SLC35F4: variants seen among roughly 807,000 people sequenced by gnomAD.
SLC35F4 encodes the protein chromosome 14 open reading frame 36.
In SLC35F4, 24 loss-of-function variants were observed where a neutral mutation model predicts 44.2. That is an observed-to-expected ratio of 0.54 (90% confidence interval 0.39 to 0.76). The LOEUF (loss-of-function observed/expected upper bound fraction) is 0.76, where lower values mean the gene tolerates loss of function less well. SLC35F4 is among the 30% of genes least tolerant of loss of function. The pLI is 0.00. For synonymous variants in SLC35F4, 238 were observed against 223.6 expected, an observed-to-expected ratio of 1.06 and a Z score of -0.57; for missense variants, 562 against 586.1, an observed-to-expected ratio of 0.96 and a Z score of 0.42.
At chr14:57,634,262 G>A (rs1566709080) in intron 1 of SLC35F4, among the ~76,000 whole-genome samples, 1 of 152,138 alleles carries the variant, frequency 6.6e-6, no homozygotes, top group East Asian at 1.9e-4. Context: ...GATAAGTGCG[G>A]TTGAAGGCAA....
intron 1 of SLC35F4, among the ~76,000 whole-genome samples, chr14:57,832,530 G>A (rs1884484219): frequency 6.6e-6 from 1 of 152,146 alleles, no homozygotes; most frequent in Non-Finnish European, 1.5e-5. Context: ...AACTATGTGA[G>A]ATGATAGACA....
intron 1 of SLC35F4, among the ~76,000 whole-genome samples, chr14:57,943,131 G>A (rs1256882360): frequency 6.6e-6 from 1 of 152,202 alleles, no homozygotes; most frequent in Non-Finnish European, 1.5e-5. Flanking sequence ...TTGCTGAAGA[G>A]ATCTGGGCCG....
chr14:57,945,248 C>T lies in SLC35F4; in HGVS notation n.282+36665G>A, dbSNP rs533031762. ...TGAAAGCCATGCATCCACAAACAGA[C>T]AATGGATTTGTGAATTACCAAAGAG... is the stretch of plus-strand genomic sequence containing the variant. On this transcript the variant is annotated intron_variant and non_coding_transcript_variant, in intron 1 of 1. Transcript: ENST00000556568. Among the ~76,000 whole-genome samples the T allele has an allele frequency of 2.6e-5, 4 of 152,158 alleles. No homozygotes were observed. The South Asian group carries it at 6.2e-4, about 24-fold the overall frequency.
chr14:57,577,670 T>A (rs8009684), intron 4 of SLC35F4, among the ~76,000 whole-genome samples: 67,399 of 148,942 alleles, frequency 0.45, 15,186 homozygotes, highest in South Asian at 0.51. Context: ...AACCTTTTTT[T>A]AAAAAAAAAA....
intron 1 of SLC35F4, among the ~76,000 whole-genome samples, chr14:57,706,933 C>T (rs1039359991): frequency 2.0e-5 from 3 of 152,194 alleles, no homozygotes; most frequent in East Asian, 3.8e-4. Flanking sequence ...GAAAAGATCT[C>T]TCTCTCTGGC....
intron 1 of SLC35F4, among the ~76,000 whole-genome samples, chr14:57,892,447 T>C (rs769811179): frequency 2.0e-5 from 3 of 152,182 alleles, no homozygotes; most frequent in Non-Finnish European, 4.4e-5. Context: ...TGTAGCTACC[T>C]ATCGACTAAG....
intron 1 of SLC35F4, among the ~76,000 whole-genome samples, chr14:57,843,342 T>G (rs1168125606): frequency 1.3e-5 from 2 of 152,168 alleles, no homozygotes; most frequent in Non-Finnish European, 2.9e-5. Context: ...CTGAATATTG[T>G]CATTCCAGAG....
chr14:57,769,785 T>C lies in SLC35F4; in HGVS notation c.103+95938A>G, dbSNP rs76343994. On this transcript the variant is annotated intron_variant, in intron 1 of 7. Coordinates refer to ENST00000556826, the MANE Select transcript of SLC35F4 (RefSeq NM_001306087.2). ...GTGCTTAGGGATTCTGTAACAGACA[T>C]GTACTTCAGCTTTTGAAAGAAATGA... Among the ~76,000 whole-genome samples, 16 of 152,300 alleles carry C rather than the reference T, an allele frequency of 1.1e-4. No individual in the cohort carries two copies. In the East Asian group the frequency reaches 2.7e-3, roughly 26 times the overall value.
Position 57,953,465 on chromosome 14 carries a change from T to G in SLC35F4, n.282+28448A>C, listed in dbSNP as rs76392861. 0.02 allele frequency among the ~76,000 whole-genome samples: 3,019 copies of G among 152,170 alleles called. 320 individuals carry two copies. In the East Asian group the frequency reaches 0.34, roughly 17 times the overall value. On this transcript the variant is annotated intron_variant and non_coding_transcript_variant, in intron 1 of 1. Transcript: ENST00000556568. ...CTTAAATGTAAACAGTCTAAATGCC[T>G]TAATTAAAAGACACAGACTGGCAAA...
At chr14:57,712,902 C>T (rs2075848967) in intron 1 of SLC35F4, among the ~76,000 whole-genome samples, 1 of 152,124 alleles carries the variant, frequency 6.6e-6, no homozygotes, top group Non-Finnish European at 1.5e-5. Context: ...TAATTCCCCA[C>T]CTTTGAGGAG....
At chr14:57,688,996 T>C (rs1001335659) in intron 1 of SLC35F4, among the ~76,000 whole-genome samples, 1 of 152,170 alleles carries the variant, frequency 6.6e-6, no homozygotes, top group African/African-American at 2.4e-5. Flanking sequence ...ACTGTGTACC[T>C]ATTATTTGTT....
At chr14:57,886,350 A>G (rs993619084) in intron 1 of SLC35F4, among the ~76,000 whole-genome samples, 1 of 152,192 alleles carries the variant, frequency 6.6e-6, no homozygotes, top group African/African-American at 2.4e-5. Flanking sequence ...TGGAAGATCA[A>G]CTGGAGAAGA....
intron 1 of SLC35F4, among the ~76,000 whole-genome samples, chr14:57,947,075 T>C (rs758023167): frequency 5.3e-5 from 8 of 152,180 alleles, no homozygotes; most frequent in Non-Finnish European, 7.3e-5. Context: ...TTTGACAGTA[T>C]AGTTATTTTC....
At chr14:57,703,052 G>A (rs1237738175) in intron 1 of SLC35F4, among the ~76,000 whole-genome samples, 1 of 152,046 alleles carries the variant, frequency 6.6e-6, no homozygotes, top group Non-Finnish European at 1.5e-5. Flanking sequence ...TGAACCACCA[G>A]CTCTTCTGCT....
chr14:57,784,540 T>C (rs1205346058), intron 1 of SLC35F4, among the ~76,000 whole-genome samples: 1 of 152,052 alleles, frequency 6.6e-6, no homozygotes, highest in Non-Finnish European at 1.5e-5. Flanking sequence ...TTTTTCTTAG[T>C]CAGGGGCGTG....
chr14:57,775,907 A>T (rs2077476943), intron 1 of SLC35F4, among the ~76,000 whole-genome samples: 1 of 152,242 alleles, frequency 6.6e-6, no homozygotes, highest in Admixed American at 6.5e-5. Flanking sequence ...GAATCACAAT[A>T]AAATGATACA....
intron 1 of SLC35F4, among the ~76,000 whole-genome samples, chr14:57,631,331 AG>A (rs2072760529): frequency 6.6e-6 from 1 of 152,126 alleles, no homozygotes; most frequent in Admixed American, 6.6e-5. Context: ...TTTGGAAAAT[AG>A]AAAACATCAC....
chr14:57,675,405 T>C (rs930246515), intron 1 of SLC35F4, among the ~76,000 whole-genome samples: 1 of 151,986 alleles, frequency 6.6e-6, no homozygotes, highest in Admixed American at 6.6e-5. Context: ...GGGATGAGCA[T>C]TTTTTTGGAT....
At chr14:57,572,979 C>A (rs989910764) in intron 4 of SLC35F4, among the ~76,000 whole-genome samples, 3 of 138,998 alleles carry the variant, frequency 2.2e-5, no homozygotes, top group Non-Finnish European at 3.2e-5. Context: ...GAAATTTAAA[C>A]CTACATGGTG....
Sources: allele counts gnomAD v4.1 joint callset (sites outside exome capture counted in the v4.1 genomes callset), GRCh38; gene constraint gnomAD v4.1.1; transcripts MANE v1.5; gene names NCBI Gene and HGNC (gene_info 2026-07-23, HGNC 2026-07-21).